The following FCHSD2 variants were observed in gnomAD, a reference collection of about 807,000 sequenced individuals.
FCHSD2 encodes the protein FCH and double SH3 domains 2.
Under a neutral mutation model 108.1 loss-of-function variants are expected in FCHSD2, and 38 were observed. The observed-to-expected ratio is 0.35, with a 90% CI of 0.27 to 0.46. The LOEUF is 0.46. Among genes scored for constraint, FCHSD2 ranks in the 20% least tolerant of loss-of-function variants. FCHSD2 has a pLI of 1.00. For synonymous variants in FCHSD2, 279 were observed against 314.7 expected, an observed-to-expected ratio of 0.89 and a Z score of 1.20; for missense variants, 751 against 897.8, an observed-to-expected ratio of 0.84 and a Z score of 2.09.
intron 8 of FCHSD2, among the ~76,000 whole-genome samples, chr11:72,922,979 T>C (rs1377998474): frequency 1.3e-5 from 2 of 152,150 alleles, no homozygotes; most frequent in South Asian, 4.1e-4. Context: ...TGGCAACCAC[T>C]AGTCTGCTTT....
In FCHSD2 at chr11:72,985,095, T is replaced by C. The variant is rs1857285575; in HGVS notation, c.543A>G (p.Gln181=). 3 of 1,252,032 alleles carry C rather than the reference T, an allele frequency of 2.4e-6. No homozygotes were observed. The highest frequency in any genetic ancestry group is 1.3e-5 in the South Asian group (1 of 76,764). 77.6% of individuals were successfully genotyped at this position (1,252,032 alleles called of 1,614,324 possible). A position where few individuals can be genotyped will look rare whatever the true frequency, so the allele number is the denominator to read the frequency against. The change falls in exon 7 of 20, where the codon CAA becomes CAG. Residue 181 remains glutamine (Q), a synonymous_variant. Coordinates refer to ENST00000409418, the MANE Select transcript of FCHSD2 (RefSeq NM_014824.3). ...IEAKSKLSLF[Q]SRISLQKASV... is the part of the protein sequence containing the mutation. ...TTGCCTTCTGTAAACTGATTCTTGA[T>C]TGAAAAAGACTAAGTTTAGATCTAT...
chr11:73,009,400 G>C (rs1157868199), intron 4 of FCHSD2, among the ~76,000 whole-genome samples: 2 of 152,108 alleles, frequency 1.3e-5, no homozygotes, highest in East Asian at 3.8e-4. Flanking sequence ...GGGAGGCTGA[G>C]GCATGAGAAT....
Position 72,885,579 on chromosome 11 carries a change from C to T in FCHSD2, c.1146+1891G>A, listed in dbSNP as rs1009597946. 2.0e-5 allele frequency among the ~76,000 whole-genome samples: 3 copies of T among 152,130 alleles called. No individual in the cohort carries two copies. In the South Asian group the frequency reaches 6.2e-4, roughly 32 times the overall value. On this transcript the variant is annotated intron_variant, in intron 12 of 19. Transcript: ENST00000409418. Reference sequence around the variant, plus strand: ...GGTTTCGTGGAGTTAGGGTACCAGTCGGTGATACCATGCATGGGGTCTGGA... The same window carrying T: ...GGTTTCGTGGAGTTAGGGTACCAGTTGGTGATACCATGCATGGGGTCTGGA...
chr11:72,968,957 A>G (rs1308545233), intron 8 of FCHSD2, among the ~76,000 whole-genome samples: 1 of 152,256 alleles, frequency 6.6e-6, no homozygotes, highest in East Asian at 1.9e-4. Context: ...TAATAATATT[A>G]AGGCTTTGTC....
At chr11:73,108,445 G>A (rs1271800182) in intron 2 of FCHSD2, among the ~76,000 whole-genome samples, 1 of 152,180 alleles carries the variant, frequency 6.6e-6, no homozygotes, top group Non-Finnish European at 1.5e-5. Flanking sequence ...TAGGTTGCCT[G>A]TGCTTGTGTA....
At chr11:72,958,992 TATGTGTG>T (rs1314437604) in intron 8 of FCHSD2, among the ~76,000 whole-genome samples, 7,830 of 127,370 alleles carry the variant, frequency 0.061, 226 homozygotes, top group Non-Finnish European at 0.081. Context: ...ATCAGTAAGA[TATGTGTG>T]TGTGTGTGTG....
chr11:72,959,147 CTT>C (rs1367807589), intron 8 of FCHSD2, among the ~76,000 whole-genome samples: 1 of 147,194 alleles, frequency 6.8e-6, no homozygotes, highest in Non-Finnish European at 1.5e-5. Flanking sequence ...TGTCAATACT[CTT>C]TACCCATTTT....
In FCHSD2 at chr11:72,926,837, T is replaced by A. The variant is rs562197947; in HGVS notation, c.706-4887A>T. ...CTGAACTTTTGTTGATAGTTTTGAA[T>A]TTAGATGTAGAAGCATCTTTCTTCA... is the stretch of plus-strand genomic sequence containing the variant. On this transcript the variant is annotated intron_variant, in intron 8 of 19. Coordinates refer to ENST00000409418, the MANE Select transcript of FCHSD2 (RefSeq NM_014824.3). Among the ~76,000 whole-genome samples, 4 of 152,274 alleles carry A rather than the reference T, an allele frequency of 2.6e-5. No individual in the cohort carries two copies. The South Asian group carries it at 6.2e-4, about 24-fold the overall frequency.
At chr11:73,126,070 G>A (rs959218463) in intron 2 of FCHSD2, among the ~76,000 whole-genome samples, 3 of 151,878 alleles carry the variant, frequency 2.0e-5, no homozygotes, top group Admixed American at 6.6e-5. Context: ...GGCCAGGTGC[G>A]GTGGCTCACA....
intron 3 of FCHSD2, among the ~76,000 whole-genome samples, chr11:73,048,443 C>T (rs1017795722): frequency 3.9e-5 from 6 of 152,152 alleles, no homozygotes; most frequent in African/African-American, 1.4e-4. Context: ...TGAATCAATA[C>T]TCTGTAACAA....
chr11:72,929,169 G>A (rs6592497), intron 8 of FCHSD2, among the ~76,000 whole-genome samples: 150,790 of 152,148 alleles, frequency 0.99, 74,721 homozygotes, highest in East Asian at 1. Flanking sequence ...TGTGAATAAT[G>A]CCGCTATAAA....
chr11:72,903,684 A>G (rs1286151556), intron 9 of FCHSD2, among the ~76,000 whole-genome samples: 1 of 152,012 alleles, frequency 6.6e-6, no homozygotes, highest in Non-Finnish European at 1.5e-5. Flanking sequence ...CATATCGCTT[A>G]CCCCTTACTT....
intron 12 of FCHSD2, among the ~76,000 whole-genome samples, chr11:72,875,562 C>T (rs117651646): frequency 2.6e-3 from 389 of 152,258 alleles, no homozygotes; most frequent in Non-Finnish European, 4.2e-3. Flanking sequence ...CTCCTGGCCT[C>T]AAACGATCCT....
intron 11 of FCHSD2, among the ~76,000 whole-genome samples, chr11:72,888,738 A>C (rs969008472): frequency 1.3e-5 from 2 of 151,216 alleles, no homozygotes; most frequent in Admixed American, 1.3e-4. Context: ...CCCCAACCTT[A>C]GCCTCCCGAA....
At chr11:72,931,107 T>A (rs1025849539) in intron 8 of FCHSD2, among the ~76,000 whole-genome samples, 5 of 150,552 alleles carry the variant, frequency 3.3e-5, no homozygotes, top group Non-Finnish European at 5.9e-5. Context: ...TTTTTTTTTT[T>A]TTTTTTGAAA....
chr11:73,051,483 A>G (rs2135476205), intron 3 of FCHSD2, among the ~76,000 whole-genome samples: 1 of 152,288 alleles, frequency 6.6e-6, no homozygotes, highest in Non-Finnish European at 1.5e-5. Flanking sequence ...AAACAGAAAA[A>G]GTTTAATGGG....
chr11:72,915,846 G>C (rs1742936544), intron 9 of FCHSD2, among the ~76,000 whole-genome samples: 1 of 151,904 alleles, frequency 6.6e-6, no homozygotes, highest in African/African-American at 2.4e-5. Context: ...GAAAAGAAAA[G>C]AAAATGTGGT....
chr11:72,849,411 T>C (rs1861227217), intron 14 of FCHSD2, among the ~76,000 whole-genome samples: 2 of 152,200 alleles, frequency 1.3e-5, no homozygotes, highest in Non-Finnish European at 2.9e-5. Context: ...AGAAGTGCTA[T>C]ATAATAAAAG....
At chr11:72,928,604 C>T (rs190950850) in intron 8 of FCHSD2, among the ~76,000 whole-genome samples, 1 of 152,300 alleles carries the variant, frequency 6.6e-6, no homozygotes, top group Non-Finnish European at 1.5e-5. Flanking sequence ...CTAGCTCTTC[C>T]TTAGCGTTTT....
Sources: allele counts gnomAD v4.1 joint callset (sites outside exome capture counted in the v4.1 genomes callset), GRCh38; gene constraint gnomAD v4.1.1; transcripts MANE v1.5; gene names NCBI Gene and HGNC (gene_info 2026-07-23, HGNC 2026-07-21).